TLR2: variants seen among roughly 807,000 people sequenced by gnomAD.
TLR2 encodes the protein toll like receptor 2, also known as toll-like receptor 2.
In TLR2, 7 loss-of-function variants were observed where a neutral mutation model predicts 9.1. That is an observed-to-expected ratio of 0.77 (90% confidence interval 0.44 to 1.44). The LOEUF is 1.44. TLR2 is among the 40% of genes most tolerant of loss of function. The pLI is 0.01. For missense variants in TLR2, 812 were observed against 904.6 expected (o/e 0.90, Z 1.31); for synonymous variants, 317 against 344.6 (o/e 0.92, Z 0.89).
downstream of TLR2, among the ~76,000 whole-genome samples, chr4:153,709,936 A>G (rs558587480): frequency 7.1e-4 from 108 of 152,354 alleles, no homozygotes; most frequent in African/African-American, 2.3e-3. Flanking sequence ...CATGGAGCAG[A>G]AGACAAGCAC....
intron 2 of TLR2, among the ~76,000 whole-genome samples, chr4:153,699,670 C>G (rs1474554710): frequency 6.6e-6 from 1 of 152,114 alleles, no homozygotes; most frequent in Non-Finnish European, 1.5e-5. Flanking sequence ...ATACATCCTA[C>G]TGCACTTGCA....
chr4:153,702,748 C>G, intron 2 of TLR2, 144 bp from the exon 3 acceptor site: 1 of 647,340 alleles, frequency 1.5e-6, no homozygotes, highest in South Asian at 2.4e-5. Flanking sequence ...ATCTGTTTCT[C>G]TCTCTCTCTC....
downstream of TLR2, chr4:153,710,350 G>A (rs1310662926): frequency 6.5e-7 from 1 of 1,539,800 alleles, no homozygotes; most frequent in Non-Finnish European, 8.8e-7. Context: ...GCAGTATGTT[G>A]CTTCTGGGGT....
rs150388453 is a variant in TLR2, at chr4:153,703,705, G to A, written c.798G>A (p.Leu266=). ...ATGTGAAAATCACCGATGAAAGTTT[G>A]TTTCAGGTTATGAAACTTTTGAATC... The part of the protein sequence containing the change: ...FRNVKITDES[L]FQVMKLLNQI... The change falls in exon 3 of 3, where the codon TTG becomes TTA. Residue 266 remains leucine, a synonymous_variant. Coordinates refer to ENST00000642700, the MANE Select transcript of TLR2 (RefSeq NM_001318789.2). 6.2e-7 allele frequency: 1 copy of A among 1,613,744 alleles called. No individual in the cohort carries two copies. The highest frequency in any genetic ancestry group is 2.2e-5 in the East Asian group (1 of 44,858).
chr4:153,706,361 A>G (rs1342279363), downstream of TLR2, among the ~76,000 whole-genome samples: 1 of 152,142 alleles, frequency 6.6e-6, no homozygotes, highest in Non-Finnish European at 1.5e-5. Flanking sequence ...TTTTTAGCCT[A>G]TATCTCCTGC....
chr4:153,708,564 G>T (rs1737404040), downstream of TLR2, among the ~76,000 whole-genome samples: 1 of 152,152 alleles, frequency 6.6e-6, no homozygotes, highest in African/African-American at 2.4e-5. Flanking sequence ...CAGTTCGGTA[G>T]ACAGCTAAGG....
At chr4:153,698,479 T>C (rs1736659897) in intron 2 of TLR2, among the ~76,000 whole-genome samples, 1 of 152,180 alleles carries the variant, frequency 6.6e-6, no homozygotes, top group Non-Finnish European at 1.5e-5. Context: ...TGTGGCCTCA[T>C]GGATCAGACA....
At chr4:153,694,401 G>A (rs1478615483) in intron 2 of TLR2, among the ~76,000 whole-genome samples, 1 of 152,204 alleles carries the variant, frequency 6.6e-6, no homozygotes, top group East Asian at 1.9e-4. Context: ...CCAGTTTATG[G>A]CCAGATTTGA....
Position 153,703,263 on chromosome 4 carries a change from G to C in TLR2, c.356G>C (p.Trp119Ser). Residue 119 changes from tryptophan to serine, a missense_variant, in exon 3 of 3, where the codon TGG becomes TCG. By Grantham distance (177) the Trp-to-Ser change is radical. Transcript: ENST00000642700. ...YNYLSNLSSS[W>S]FKPLSSLTFL... ...TACTTATCTAATTTATCGTCTTCCT[G>C]GTTCAAGCCCCTTTCTTCTTTAACA... 1 of 1,613,334 alleles carries C rather than the reference G, an allele frequency of 6.2e-7. No individual in the cohort carries two copies. Among genetic ancestry groups the C allele is most frequent in the Non-Finnish European group, 8.5e-7 (1 of 1,179,866 alleles).
Position 153,704,847 on chromosome 4 carries a change from A to G in TLR2, c.1940A>G (p.Tyr647Cys). 1 of 1,613,988 alleles carries G rather than the reference A, an allele frequency of 6.2e-7. No homozygotes were observed. The highest frequency in any genetic ancestry group is 8.5e-7 in the Non-Finnish European group (1 of 1,179,988). Residue 647 changes from tyrosine to cysteine, a missense_variant, in exon 3 of 3, where the codon TAC (tyrosine) becomes TGC (cysteine). By Grantham distance (194) the Tyr-to-Cys change is radical. Transcript: ENST00000642700. ...ATCTGCTATGATGCATTTGTTTCTT[A>G]CAGTGAGCGGGATGCCTACTGGGTG... ...RNICYDAFVS[Y>C]SERDAYWVEN...
chr4:153,685,413 T>G (rs1054685314), intron 1 of TLR2, among the ~76,000 whole-genome samples: 1 of 152,150 alleles, frequency 6.6e-6, no homozygotes, highest in Non-Finnish European at 1.5e-5. Flanking sequence ...ACTCAAAGTT[T>G]GCTGAGATGA....
Position 153,703,476 on chromosome 4 carries a change from A to G in TLR2, c.569A>G (p.Glu190Gly), listed in dbSNP as rs767013541. Residue 190 changes from glutamate to glycine, a missense_variant, in exon 3 of 3, where the codon GAG (glutamate) becomes GGG (glycine). By Grantham distance (98) the Glu-to-Gly change is moderately conservative (BLOSUM62 -2). Transcript: ENST00000642700. ...GATGCTTCAGATCTACAGAGCTATG[A>G]GCCAAAAAGTTTGAAGTCAATTCAG... ...EIDASDLQSY[E>G]PKSLKSIQNV... 6.2e-7 allele frequency: 1 copy of G among 1,613,694 alleles called. No homozygotes were observed. Among genetic ancestry groups the G allele is most frequent in the Non-Finnish European group, 8.5e-7 (1 of 1,179,898 alleles).
rs1240087273 is a variant in TLR2 at position 153,703,131 on chromosome 4, G to A, written c.224G>A (p.Cys75Tyr). ...TYISNSDLQR[C>Y]VNLQALVLTS... ...ATTAGCAACAGTGACCTACAGAGGT[G>A]TGTGAACCTCCAGGCTCTGGTGCTG... is the stretch of plus-strand genomic sequence containing the variant. The change falls in exon 3 of 3, where the codon TGT becomes TAT. Residue 75 changes from cysteine to tyrosine, a missense_variant. Cys to Tyr is a radical substitution (Grantham distance 194, BLOSUM62 -2). Coordinates refer to ENST00000642700, the MANE Select transcript of TLR2 (RefSeq NM_001318789.2). 3.7e-6 allele frequency: 6 copies of A among 1,614,016 alleles called. No individual in the cohort carries two copies. The highest frequency in any genetic ancestry group is 4.2e-6 in the Non-Finnish European group (5 of 1,180,032).
At chr4:153,702,761 TTTGTGTGTG>T in intron 2 of TLR2, 122 bp from the exon 3 acceptor site, 73 of 539,736 alleles carry the variant, frequency 1.4e-4, no homozygotes, top group African/African-American at 2.7e-4. Context: ...TCTCTCTCTC[TTTGTGTGTG>T]TGTGTGTGTG....
intron 1 of TLR2, 58 bp from the exon 2 acceptor site, chr4:153,687,844 C>T (rs1436662399): frequency 3.3e-5 from 5 of 152,170 alleles, no homozygotes; most frequent in Admixed American, 1.3e-4. Flanking sequence ...TGAGTGCTGC[C>T]TGATTCATGA....
At chr4:153,691,175 C>T (rs1736088511) in intron 2 of TLR2, among the ~76,000 whole-genome samples, 1 of 152,180 alleles carries the variant, frequency 6.6e-6, no homozygotes, top group Non-Finnish European at 1.5e-5. Flanking sequence ...ACATTCTCAG[C>T]ACCTTCAGTT....
chr4:153,710,302 AAATT>A (rs1190251870), downstream of TLR2: 1 of 1,299,284 alleles, frequency 7.7e-7, no homozygotes, highest in Non-Finnish European at 1.0e-6. Context: ...AAAATTAAAA[AAATT>A]AATATTAAAT....
At chr4:153,710,436 A>G (rs1462302959), downstream of TLR2, 1 of 1,598,120 alleles carries the variant, frequency 6.3e-7, no homozygotes, top group East Asian at 2.2e-5. Context: ...CCAGGCCACC[A>G]AATAACGAAG....
downstream of TLR2, among the ~76,000 whole-genome samples, chr4:153,707,474 C>T (rs62323858): frequency 0.14 from 21,080 of 150,472 alleles, 1,962 homozygotes; most frequent in Non-Finnish European, 0.2. Flanking sequence ...CACCTGAGCC[C>T]GGGAGGTCCA....
Sources: gnomAD v4.1 joint callset for allele counts (sites outside exome capture counted in the v4.1 genomes callset) on GRCh38, gnomAD v4.1.1 for gene constraint, MANE v1.5 for transcripts, NCBI Gene and HGNC (gene_info 2026-07-23, HGNC 2026-07-21) for gene names.